The following DIAPH2 variants were observed in gnomAD, a reference collection of about 807,000 sequenced individuals.
DIAPH2 encodes the protein protein diaphanous homolog 2.
In DIAPH2, 35 loss-of-function variants were observed where a neutral mutation model predicts 92.7. The ratio of observed to expected loss-of-function variants is 0.38; its 90% confidence interval spans 0.29 to 0.50. The LOEUF (loss-of-function observed/expected upper bound fraction) is 0.50. DIAPH2 is among the 20% of genes least tolerant of loss of function. The pLI, the probability that DIAPH2 is intolerant of heterozygous loss-of-function variation, is 0.94. For missense variants in DIAPH2, 701 were observed against 819.5 expected, an observed-to-expected ratio of 0.86 and a Z score of 1.77; for synonymous variants, 301 against 280.4, an observed-to-expected ratio of 1.07 and a Z score of -0.73.
At chrX:97,248,770 A>T (rs1390731451) in intron 23 of DIAPH2, among the ~76,000 whole-genome samples, 3 of 111,648 alleles carry the variant, frequency 2.7e-5, no homozygotes, top group Non-Finnish European at 5.7e-5. Context: ...TTCTTCTGTG[A>T]TATGCTTTAT....
intron 22 of DIAPH2, among the ~76,000 whole-genome samples, chrX:97,154,831 C>T (rs937860864): frequency 5.3e-5 from 6 of 112,321 alleles, no homozygotes; most frequent in Non-Finnish European, 1.1e-4. Flanking sequence ...TGCACTTATT[C>T]ATGTATCTTT....
intron 20 of DIAPH2, among the ~76,000 whole-genome samples, chrX:97,111,905 G>A (rs987117361): frequency 5.4e-5 from 6 of 112,065 alleles, no homozygotes; most frequent in African/African-American, 9.7e-5. Context: ...AACGATAACC[G>A]TTTCCTAGGA....
chrX:97,403,114 T>C (rs1020658592), intron 25 of DIAPH2, among the ~76,000 whole-genome samples: 2 of 111,911 alleles, frequency 1.8e-5, no homozygotes, highest in Non-Finnish European at 3.8e-5. Context: ...TGCACACCCA[T>C]GAAACCTCTG....
At chrX:97,298,758 G>A (rs966772915) in intron 23 of DIAPH2, among the ~76,000 whole-genome samples, 3 of 109,583 alleles carry the variant, frequency 2.7e-5, no homozygotes, top group African/African-American at 1.0e-4. Flanking sequence ...GGGACTACAG[G>A]TGTCCACCAC....
rs1312938740 is a variant in DIAPH2, at chrX:97,166,667, G to C, written c.2719+24873G>C. On this transcript the variant is annotated intron_variant, in intron 22 of 26. Coordinates refer to ENST00000324765, the MANE Select transcript of DIAPH2 (RefSeq NM_006729.5). ...TACAAAGTATTTCATGATTACAGAA[G>C]AACATGTAATAGATAGTATGTAAGG... Among the ~76,000 whole-genome samples, 3 of 88,371 alleles carry C rather than the reference G, an allele frequency of 3.4e-5. No homozygotes were observed. In the Admixed American group the frequency reaches 3.8e-4, roughly 11 times the overall value. The allele number at this position is 88,371 out of a possible 115,157, so 76.7% of individuals were successfully genotyped here.
intron 5 of DIAPH2, among the ~76,000 whole-genome samples, chrX:96,883,449 C>T (rs2065233804): frequency 9.3e-6 from 1 of 107,607 alleles, no homozygotes; most frequent in Non-Finnish European, 1.9e-5. Context: ...GGTGCTGTCT[C>T]GGTTCACTGC....
At chrX:97,295,734 CTT>C (rs35900263) in intron 23 of DIAPH2, among the ~76,000 whole-genome samples, 3 of 98,312 alleles carry the variant, frequency 3.1e-5, no homozygotes, top group Admixed American at 2.3e-4. Context: ...GTATTTTCTT[CTT>C]TTTTTTTTTT....
intron 4 of DIAPH2, among the ~76,000 whole-genome samples, chrX:96,781,001 T>C (rs1299677558): frequency 9.2e-6 from 1 of 108,250 alleles, no homozygotes; most frequent in Non-Finnish European, 1.9e-5. Context: ...GAGACGGGGT[T>C]TTGCCATGTT....
chrX:97,514,800 G>A (rs2070928818), intron 26 of DIAPH2, among the ~76,000 whole-genome samples: 1 of 110,396 alleles, frequency 9.1e-6, no homozygotes, highest in Non-Finnish European at 1.9e-5. Context: ...CTGCTGGAGG[G>A]TGCCTCCCAG....
At chrX:96,778,103 A>G (rs978515014) in intron 4 of DIAPH2, among the ~76,000 whole-genome samples, 7 of 96,097 alleles carry the variant, frequency 7.3e-5, no homozygotes, top group South Asian at 5.3e-4. Context: ...TCATTGTTCA[A>G]TTCCCACCTA....
chrX:97,411,154 A>G (rs1412685391), intron 25 of DIAPH2, among the ~76,000 whole-genome samples: 1 of 111,780 alleles, frequency 8.9e-6, no homozygotes, highest in Non-Finnish European at 1.9e-5. Context: ...GCAGCCAGAG[A>G]GAAAGGTCGG....
At chrX:97,395,783 A>C (rs932635587) in intron 25 of DIAPH2, among the ~76,000 whole-genome samples, 1 of 112,517 alleles carries the variant, frequency 8.9e-6, no homozygotes. Context: ...GTGAAACAAG[A>C]TAGGTAATAT....
At chrX:97,125,471 C>CAAAAAAAAA (rs1159049051) in intron 21 of DIAPH2, among the ~76,000 whole-genome samples, 3 of 19,206 alleles carry the variant, frequency 1.6e-4, no homozygotes, top group African/African-American at 2.8e-4. Context: ...GACTCCGTCT[C>CAAAAAAAAA]AAAAAAAAAA....
intron 22 of DIAPH2, among the ~76,000 whole-genome samples, chrX:97,203,593 A>T (rs749203704): frequency 1.2e-4 from 13 of 111,993 alleles, no homozygotes; most frequent in Non-Finnish European, 2.1e-4. Context: ...AAGTTCCTGG[A>T]CACATACACC....
At position 97,286,371 on chromosome X, in the gene DIAPH2, A is replaced by G. The variant is rs113793979; in HGVS notation, c.2844+38532A>G. ...GCCCAGAAACTATTAATAGAATGCT[A>G]CCCTCTAGCATGCTAGCAATAGTAG... On this transcript the variant is annotated intron_variant, in intron 23 of 26. Transcript: ENST00000324765. Among the ~76,000 whole-genome samples the G allele has an allele frequency of 1.9e-3, 213 of 110,744 alleles. 4 individuals carry two copies. Among genetic ancestry groups the G allele is most frequent in the Non-Finnish European group, 5.7e-4 (30 of 53,019 alleles).
chrX:96,707,756 CACTTCTTTCTTGCAAGTGGTAAT>C (rs2063894792), intron 1 of DIAPH2, among the ~76,000 whole-genome samples: 1 of 111,606 alleles, frequency 9.0e-6, no homozygotes, highest in African/African-American at 3.3e-5. Context: ...TAATGACAAC[CACTTCTTTCTTGCAAGTGGTAAT>C]TTTGGTTTCT....
At chrX:96,831,867 C>T (rs1301578249) in intron 4 of DIAPH2, among the ~76,000 whole-genome samples, 1 of 111,231 alleles carries the variant, frequency 9.0e-6, no homozygotes. Flanking sequence ...GTCCTGGGCT[C>T]CACCATATGG....
chrX:97,355,515 A>G (rs2069257546), intron 24 of DIAPH2, among the ~76,000 whole-genome samples: 1 of 111,244 alleles, frequency 9.0e-6, no homozygotes, highest in African/African-American at 3.3e-5. Context: ...TGATATCTAG[A>G]ATTTCATCAT....
intron 25 of DIAPH2, among the ~76,000 whole-genome samples, chrX:97,398,614 G>A (rs1453450353): frequency 2.7e-5 from 3 of 110,739 alleles, no homozygotes; most frequent in East Asian, 2.8e-4. Context: ...CCCTAGAGGA[G>A]CAAGGTAAAC....
Sources: gnomAD v4.1 joint callset for allele counts (sites outside exome capture counted in the v4.1 genomes callset) on GRCh38, gnomAD v4.1.1 for gene constraint, MANE v1.5 for transcripts, NCBI Gene and HGNC (gene_info 2026-07-23, HGNC 2026-07-21) for gene names.